The following FBXW12 variants were observed in gnomAD, a reference collection of about 807,000 sequenced individuals.
FBXW12 encodes the protein F-box and WD repeat domain containing 12, also known as F-box/WD repeat-containing protein 12.
FBXW12 carries 43 observed loss-of-function variants against 55.3 expected under a neutral mutation model. The observed-to-expected ratio is 0.78, with a 90% CI of 0.61 to 1.00. The LOEUF (loss-of-function observed/expected upper bound fraction) is 1.00, where lower values mean the gene tolerates loss of function less well. Ranked by LOEUF, FBXW12 falls within the 50% of genes least tolerant of loss-of-function variation. FBXW12 has a pLI of 0.00. For missense variants in FBXW12, 524 were observed against 560.5 expected (o/e 0.93, Z 0.66); for synonymous variants, 184 against 203.8 (o/e 0.90, Z 0.83).
chr3:48,382,220 A>G (rs941468989), intron 10 of FBXW12, 135 bp downstream of exon 10: 1 of 959,586 alleles, frequency 1.0e-6, no homozygotes, highest in Non-Finnish European at 1.5e-6. Flanking sequence ...GGGTTCTAGC[A>G]ATTCTCCTGC....
At chr3:48,382,476 T>C (rs532999006) in intron 10 of FBXW12, among the ~76,000 whole-genome samples, 9 of 151,756 alleles carry the variant, frequency 5.9e-5, no homozygotes, top group Admixed American at 4.6e-4. Context: ...TTTTTTAAGG[T>C]TCTCTGAGGA....
chr3:48,372,961 G>T, intron 2 of FBXW12, 104 bp downstream of exon 2: 1 of 1,108,024 alleles, frequency 9.0e-7, no homozygotes, highest in Non-Finnish European at 1.4e-6. Context: ...AGGCTTTGGG[G>T]GTTAGCATTC....
intron 3 of FBXW12, 24 bp from the exon 4 acceptor site, chr3:48,373,524 A>T: frequency 1.2e-6 from 2 of 1,609,704 alleles, no homozygotes; most frequent in Non-Finnish European, 1.7e-6. Context: ...GAACAGCCTG[A>T]TGGGACTGTG....
chr3:48,380,646 G>C, intron 7 of FBXW12, 56 bp from the exon 8 acceptor site: 1 of 1,300,900 alleles, frequency 7.7e-7, no homozygotes, highest in Non-Finnish European at 1.1e-6. Flanking sequence ...AGTCACTCCT[G>C]TACTGAGAGG....
At chr3:48,392,851 G>A (rs1383349995) in intron 10 of FBXW12, among the ~76,000 whole-genome samples, 2 of 152,088 alleles carry the variant, frequency 1.3e-5, no homozygotes, top group African/African-American at 4.8e-5. Context: ...ATTTGATTAG[G>A]ATATGTCTGG....
chr3:48,374,704 G>A (rs925840781), intron 4 of FBXW12, among the ~76,000 whole-genome samples: 1 of 150,792 alleles, frequency 6.6e-6, no homozygotes, highest in African/African-American at 2.4e-5. Flanking sequence ...GAACTCAAGC[G>A]ATCCTCCCAC....
intron 5 of FBXW12, among the ~76,000 whole-genome samples, chr3:48,376,375 T>C (rs1048528917): frequency 6.6e-6 from 1 of 152,238 alleles, no homozygotes; most frequent in Non-Finnish European, 1.5e-5. Context: ...GAAATAATTT[T>C]TGGGCTTTCT....
At chr3:48,379,343 G>A (rs773897385) in intron 6 of FBXW12, 57 bp from the exon 7 acceptor site, 25 of 1,551,020 alleles carry the variant, frequency 1.6e-5, no homozygotes, top group Non-Finnish European at 2.2e-5. Context: ...TGCCTCCTCT[G>A]TACTTCAGGA....
chr3:48,389,348 G>T (rs541656732), intron 10 of FBXW12, among the ~76,000 whole-genome samples: 6 of 152,218 alleles, frequency 3.9e-5, no homozygotes, highest in Admixed American at 3.9e-4. Context: ...TTACTCTGTT[G>T]ATAGTTTCTT....
rs562590987 is a variant in FBXW12, at chr3:48,393,936, G to A, written c.1296-624G>A. On this transcript the variant is annotated intron_variant, in intron 10 of 10. Coordinates refer to ENST00000296438, the MANE Select transcript of FBXW12 (RefSeq NM_207102.2). ...TGGGACTACAGGCGTGCACCACCAC[G>A]CCGACTAATTTTTTGTATTTTTAGT... is the stretch of plus-strand genomic sequence containing the variant. 4.7e-5 allele frequency among the ~76,000 whole-genome samples: 7 copies of A among 149,834 alleles called. No individual in the cohort carries two copies. The South Asian group carries it at 1.1e-3, about 24-fold the overall frequency.
intron 9 of FBXW12, 23 bp from the exon 10 acceptor site, chr3:48,381,932 C>T (rs761789267): frequency 3.1e-6 from 5 of 1,613,776 alleles, no homozygotes; most frequent in Non-Finnish European, 4.2e-6. Flanking sequence ...TCCTTGGCCA[C>T]TCACTCTGGC....
At chr3:48,378,834 C>T (rs950755896) in intron 6 of FBXW12, among the ~76,000 whole-genome samples, 4 of 152,102 alleles carry the variant, frequency 2.6e-5, no homozygotes, top group African/African-American at 9.6e-5. Flanking sequence ...CTCCTGACCT[C>T]GTGATCTGCC....
At chr3:48,385,757 T>A (rs73074358) in intron 10 of FBXW12, among the ~76,000 whole-genome samples, 60,699 of 151,962 alleles carry the variant, frequency 0.4, 12,220 homozygotes, top group Non-Finnish European at 0.46. Flanking sequence ...TGCATTTTTA[T>A]TTTGCATTTC....
rs2036634275 is a variant in FBXW12 at position 48,373,553 on chromosome 3, T to C, written c.134T>C (p.Leu45Pro). 2.5e-6 allele frequency: 4 copies of C among 1,613,194 alleles called. No homozygotes were observed. Among genetic ancestry groups the C allele is most frequent in the East Asian group, 2.2e-5 (1 of 44,862 alleles). ...IADSDYLWRS[L>P]SLQRWDCSNF... ...GACTGTGACTCTGTTTCCAGGTCAC[T>C]ATCTCTGCAGAGATGGGACTGCAGC... The change falls in exon 4 of 11, where the codon CTA becomes CCA. Residue 45 changes from leucine to proline, a missense_variant. Transcript: ENST00000296438.
At position 48,373,068 on chromosome 3, in the gene FBXW12, C is replaced by A. The variant is rs568147362; in HGVS notation, c.90+211C>A. 2.6e-5 allele frequency among the ~76,000 whole-genome samples: 4 copies of A among 152,282 alleles called. No individual in the cohort carries two copies. In the South Asian group the frequency reaches 8.3e-4, roughly 32 times the overall value. On this transcript the variant is annotated intron_variant, in intron 2 of 10. Transcript: ENST00000296438. The stretch of plus-strand genomic sequence containing the variant: ...CAGTCCTTGAGGCTCCCATTTCAAG[C>A]CCTAGGAAATCAACACTTCTTCCTG...
chr3:48,372,315 C>A lies in FBXW12; in HGVS notation c.-90C>A. 6.4e-7 allele frequency: 1 copy of A among 1,552,276 alleles called. No individual in the cohort carries two copies. The highest frequency in any genetic ancestry group is 8.7e-7 in the Non-Finnish European group (1 of 1,147,112). On this transcript the variant is annotated 5_prime_UTR_variant, in exon 1 of 11. Transcript: ENST00000296438. ...GAGCCCCACTCACCAGATTCAAGATCCCAAGGTAGGCACAGACACAGGGCA... is the reference window on the plus strand; with the variant it reads ...GAGCCCCACTCACCAGATTCAAGATACCAAGGTAGGCACAGACACAGGGCA...
intron 10 of FBXW12, among the ~76,000 whole-genome samples, chr3:48,392,986 C>CTTTT (rs782102353): frequency 8.0e-6 from 1 of 125,168 alleles, no homozygotes; most frequent in Non-Finnish European, 1.7e-5. Context: ...AAGGGGTACC[C>CTTTT]TTTTTTTTTT....
intron 5 of FBXW12, among the ~76,000 whole-genome samples, chr3:48,375,815 C>T (rs1342159045): frequency 6.6e-6 from 1 of 151,914 alleles, no homozygotes; most frequent in Non-Finnish European, 1.5e-5. Context: ...GCTGGGACTA[C>T]AGGCGCCCGC....
intron 5 of FBXW12, among the ~76,000 whole-genome samples, chr3:48,377,779 C>A (rs1339188165): frequency 6.6e-6 from 1 of 152,168 alleles, no homozygotes; most frequent in Non-Finnish European, 1.5e-5. Flanking sequence ...CATTGGTAAT[C>A]ACTTGTGATA....
Sources: gnomAD v4.1 joint callset for allele counts (sites outside exome capture counted in the v4.1 genomes callset) on GRCh38, gnomAD v4.1.1 for gene constraint, MANE v1.5 for transcripts, NCBI Gene and HGNC (gene_info 2026-07-23, HGNC 2026-07-21) for gene names.